CACNA2D3: variants seen among roughly 807,000 people sequenced by gnomAD.
The protein encoded by CACNA2D3 is voltage-dependent calcium channel subunit alpha-2/delta-3.
Under a neutral mutation model 160.6 loss-of-function variants are expected in CACNA2D3, and 60 were observed. The observed-to-expected ratio is 0.37, with a 90% CI of 0.30 to 0.46. The LOEUF (loss-of-function observed/expected upper bound fraction) is 0.46. Ranked by LOEUF, CACNA2D3 falls within the 20% of genes least tolerant of loss-of-function variation. CACNA2D3 has a pLI of 1.00. For synonymous variants in CACNA2D3, 558 were observed against 492.9 expected, an observed-to-expected ratio of 1.13 and a Z score of -1.75; for missense variants, 1,205 against 1,365.0, an observed-to-expected ratio of 0.88 and a Z score of 1.85.
At chr3:54,234,351 C>T (rs953806923) in intron 2 of CACNA2D3, among the ~76,000 whole-genome samples, 1 of 152,012 alleles carries the variant, frequency 6.6e-6, no homozygotes, top group African/African-American at 2.4e-5. Context: ...CAAACAAAAC[C>T]AAAAAGCAGA....
At chr3:54,902,506 A>C (rs893028242) in intron 27 of CACNA2D3, among the ~76,000 whole-genome samples, 2 of 152,088 alleles carry the variant, frequency 1.3e-5, no homozygotes, top group African/African-American at 4.8e-5. Context: ...CCTTCTCTTG[A>C]GAAGCCTGCC....
At chr3:54,768,166 G>T (rs1322162589) in intron 13 of CACNA2D3, among the ~76,000 whole-genome samples, 1 of 152,150 alleles carries the variant, frequency 6.6e-6, no homozygotes, top group African/African-American at 2.4e-5. Context: ...AGTCTTGAGG[G>T]GGAAAAAGTG....
chr3:54,209,916 G>A (rs1416910849), intron 2 of CACNA2D3, among the ~76,000 whole-genome samples: 1 of 152,194 alleles, frequency 6.6e-6, no homozygotes, highest in Non-Finnish European at 1.5e-5. Flanking sequence ...AATGTTGCAT[G>A]TGTATCTCTT....
At chr3:54,696,225 C>G (rs1464293158) in intron 11 of CACNA2D3, among the ~76,000 whole-genome samples, 1 of 152,156 alleles carries the variant, frequency 6.6e-6, no homozygotes, top group African/African-American at 2.4e-5. Flanking sequence ...ACCAGTGACT[C>G]CCTAGGTTAG....
intron 5 of CACNA2D3, among the ~76,000 whole-genome samples, chr3:54,509,774 A>G (rs1228382087): frequency 6.6e-6 from 1 of 152,188 alleles, no homozygotes; most frequent in Non-Finnish European, 1.5e-5. Context: ...ATTTACTCAT[A>G]GTTTTTCTCT....
chr3:54,247,612 T>C (rs894049682), intron 2 of CACNA2D3, among the ~76,000 whole-genome samples: 1 of 151,732 alleles, frequency 6.6e-6, no homozygotes, highest in Non-Finnish European at 1.5e-5. Flanking sequence ...ATATAAAAAA[T>C]AGACAAAGAA....
Position 54,586,724 on chromosome 3 carries a change from G to A in CACNA2D3, c.963+4847G>A, listed in dbSNP as rs113536551. 2.4e-3 allele frequency among the ~76,000 whole-genome samples: 360 copies of A among 152,188 alleles called. 1 individual carries two copies. The highest frequency in any genetic ancestry group is 7.4e-3 in the African/African-American group (307 of 41,528). On this transcript the variant is annotated intron_variant, in intron 9 of 37. Transcript: ENST00000474759. ...CTATCTAAATAACAGCAGAATACAC[G>A]TTCTTCTCAAGCACCTATGGAACAT... is the stretch of plus-strand genomic sequence containing the variant.
At chr3:54,132,075 A>G (rs1278975328) in intron 2 of CACNA2D3, among the ~76,000 whole-genome samples, 2 of 152,212 alleles carry the variant, frequency 1.3e-5, no homozygotes, top group South Asian at 2.1e-4. Context: ...TCAGCCTCCT[A>G]CTGGTTTTCA....
chr3:54,321,456 G>C (rs916705930), intron 3 of CACNA2D3, among the ~76,000 whole-genome samples: 2 of 152,152 alleles, frequency 1.3e-5, no homozygotes, highest in African/African-American at 4.8e-5. Context: ...TCACTTGCAA[G>C]TTTTGACATA....
intron 27 of CACNA2D3, among the ~76,000 whole-genome samples, chr3:54,952,486 G>A (rs1454255458): frequency 2.6e-5 from 4 of 152,194 alleles, no homozygotes; most frequent in Non-Finnish European, 5.9e-5. Flanking sequence ...AATAAAACAT[G>A]AGGCAAAAAC....
Position 54,699,759 on chromosome 3 carries a change from A to G in CACNA2D3, c.1168-52840A>G, listed in dbSNP as rs116912070. On this transcript the variant is annotated intron_variant, in intron 11 of 37. Transcript: ENST00000474759. ...GCCTATATAAAATGAGGATAGTAAT[A>G]TTGACTTCATCCTGGCTGCCGTGAG... 7.7e-4 allele frequency among the ~76,000 whole-genome samples: 118 copies of G among 152,292 alleles called. No individual in the cohort carries two copies. The East Asian group carries it at 0.021, about 27-fold the overall frequency.
At chr3:54,722,136 T>G (rs1323852188) in intron 11 of CACNA2D3, among the ~76,000 whole-genome samples, 1 of 152,206 alleles carries the variant, frequency 6.6e-6, no homozygotes, top group African/African-American at 2.4e-5. Context: ...TCTAATCTTG[T>G]CTTCTTGCTT....
At chr3:54,892,037 C>A (rs1180946810) in intron 25 of CACNA2D3, among the ~76,000 whole-genome samples, 3 of 152,112 alleles carry the variant, frequency 2.0e-5, no homozygotes, top group Non-Finnish European at 4.4e-5. Flanking sequence ...GGTCTAGTAC[C>A]CAGATGCTAA....
intron 2 of CACNA2D3, among the ~76,000 whole-genome samples, chr3:54,127,559 G>A (rs1451675970): frequency 6.6e-6 from 1 of 152,212 alleles, no homozygotes; most frequent in African/African-American, 2.4e-5. Context: ...GATTGCTCTT[G>A]TGGGGGAGGC....
intron 2 of CACNA2D3, among the ~76,000 whole-genome samples, chr3:54,252,437 A>G (rs187514168): frequency 1.4e-4 from 22 of 152,246 alleles, no homozygotes; most frequent in Admixed American, 3.9e-4. Context: ...CTGATGTCCA[A>G]TAGGTTTTAT....
chr3:54,486,983 A>G (rs60536754), intron 4 of CACNA2D3, among the ~76,000 whole-genome samples: 2,865 of 152,318 alleles, frequency 0.019, 99 homozygotes, highest in African/African-American at 0.066. Flanking sequence ...GCACTTCCAT[A>G]TGCTGATTTT....
At chr3:55,052,440 G>T (rs28870104) in intron 35 of CACNA2D3, among the ~76,000 whole-genome samples, 1 of 135,538 alleles carries the variant, frequency 7.4e-6, no homozygotes, top group South Asian at 2.3e-4. Flanking sequence ...ACATATATAT[G>T]TATATACCTG....
chr3:54,283,285 A>T (rs1341148565), intron 2 of CACNA2D3, among the ~76,000 whole-genome samples: 1 of 151,688 alleles, frequency 6.6e-6, no homozygotes, highest in African/African-American at 2.4e-5. Context: ...GCCCTGGGGT[A>T]AAATCCCTGC....
intron 2 of CACNA2D3, among the ~76,000 whole-genome samples, chr3:54,200,332 A>G (rs1701156190): frequency 1.3e-5 from 2 of 152,240 alleles, no homozygotes; most frequent in South Asian, 4.1e-4. Context: ...GATTGGGTTT[A>G]GACCTCATGC....
Sources: gnomAD v4.1 joint callset for allele counts (sites outside exome capture counted in the v4.1 genomes callset) on GRCh38, gnomAD v4.1.1 for gene constraint, MANE v1.5 for transcripts, NCBI Gene and HGNC (gene_info 2026-07-23, HGNC 2026-07-21) for gene names.